DIP2C: variants seen among roughly 807,000 people sequenced by gnomAD.
The protein encoded by DIP2C is disco-interacting protein 2 homolog C.
A neutral mutation model predicts 192.4 loss-of-function variants in DIP2C; 33 were observed. The observed-to-expected ratio is 0.17, with a 90% confidence interval of 0.13 to 0.23. The LOEUF (loss-of-function observed/expected upper bound fraction) is 0.23, where lower values mean the gene tolerates loss of function less well. DIP2C is among the 10% of genes least tolerant of loss of function. The probability of loss-of-function intolerance (pLI) is 1.00; values close to 1 mark genes in which losing one functional copy is unlikely to be tolerated. For missense variants in DIP2C, 1,537 were observed against 2,110.1 expected (o/e 0.73, Z 5.32); for synonymous variants, 979 against 864.1 (o/e 1.13, Z -2.33).
chr10:466,958 T>C (rs1312766195), intron 3 of DIP2C, among the ~76,000 whole-genome samples: 1 of 149,616 alleles, frequency 6.7e-6, no homozygotes, highest in Middle Eastern at 3.4e-3. Flanking sequence ...GTTCAACCAT[T>C]GTGGAAGTCA....
intron 6 of DIP2C, 128 bp from the exon 7 acceptor site, chr10:416,016 G>C (rs562109656): frequency 2.8e-6 from 4 of 1,410,148 alleles, no homozygotes; most frequent in Admixed American, 4.0e-5. Flanking sequence ...TGCGATCCTG[G>C]GAAGGGCCCG....
intron 23 of DIP2C, among the ~76,000 whole-genome samples, chr10:357,514 G>C (rs941199936): frequency 9.8e-5 from 15 of 152,342 alleles, no homozygotes; most frequent in African/African-American, 3.4e-4. Context: ...ACCGATTTCT[G>C]CATCGCTGTG....
intron 7 of DIP2C, among the ~76,000 whole-genome samples, chr10:414,773 ATG>A (rs1965489630): frequency 1.9e-5 from 2 of 107,028 alleles, no homozygotes; most frequent in Non-Finnish European, 3.8e-5. Context: ...TATATATATA[ATG>A]TGTATATATA....
At chr10:488,180 G>A (rs1844159287) in intron 1 of DIP2C, among the ~76,000 whole-genome samples, 1 of 152,172 alleles carries the variant, frequency 6.6e-6, no homozygotes, top group Admixed American at 6.5e-5. Flanking sequence ...GTGGGAAAGG[G>A]TGGCAGCACT....
At chr10:288,560 G>A (rs776302297) in intron 32 of DIP2C, 139 bp from the exon 33 acceptor site, 16 of 840,744 alleles carry the variant, frequency 1.9e-5, no homozygotes, top group East Asian at 2.5e-5. Context: ...GGACGAAGCT[G>A]CAGAAAGAGC....
At chr10:386,597 G>A (rs142843687) in intron 14 of DIP2C, among the ~76,000 whole-genome samples, 3 of 152,240 alleles carry the variant, frequency 2.0e-5, no homozygotes, top group African/African-American at 7.2e-5. Context: ...GAGACGACCT[G>A]TGTGTAACAC....
At chr10:583,322 C>T (rs1588519732) in intron 1 of DIP2C, among the ~76,000 whole-genome samples, 1 of 152,228 alleles carries the variant, frequency 6.6e-6, no homozygotes, top group South Asian at 2.1e-4. Flanking sequence ...TATAGGATAG[C>T]TAGTTGGGAA....
intron 18 of DIP2C, among the ~76,000 whole-genome samples, chr10:367,396 G>A (rs904871916): frequency 8.7e-5 from 13 of 149,726 alleles, no homozygotes; most frequent in African/African-American, 1.5e-4. Context: ...CAGCCTGGGC[G>A]ACAGCGAGAC....
At chr10:530,496 G>A (rs933546245) in intron 1 of DIP2C, among the ~76,000 whole-genome samples, 1 of 151,956 alleles carries the variant, frequency 6.6e-6, no homozygotes, top group Non-Finnish European at 1.5e-5. Flanking sequence ...GGTGAGAGGA[G>A]TAGGGTTTTT....
At chr10:422,394 C>A (rs907721780) in intron 5 of DIP2C, among the ~76,000 whole-genome samples, 2 of 152,180 alleles carry the variant, frequency 1.3e-5, no homozygotes, top group Admixed American at 1.3e-4. Flanking sequence ...AGAACCTACA[C>A]AAAGCAGTGT....
chr10:307,829 G>A (rs549311151), intron 32 of DIP2C, among the ~76,000 whole-genome samples: 2 of 151,906 alleles, frequency 1.3e-5, no homozygotes, highest in South Asian at 4.2e-4. Context: ...CCTGGGCGGG[G>A]CCCGGCACAC....
At chr10:303,709 G>C (rs1238445752) in intron 32 of DIP2C, among the ~76,000 whole-genome samples, 2 of 152,080 alleles carry the variant, frequency 1.3e-5, no homozygotes, top group Non-Finnish European at 2.9e-5. Context: ...TTTTAGTAGA[G>C]ACGGGGTTCC....
chr10:280,490 C>G (rs1012295023), intron 36 of DIP2C, among the ~76,000 whole-genome samples: 1 of 151,772 alleles, frequency 6.6e-6, no homozygotes, highest in Admixed American at 6.6e-5. Context: ...ACTGAACAAG[C>G]CTGTAAAACT....
chr10:600,123 G>C (rs1193410172), intron 1 of DIP2C, among the ~76,000 whole-genome samples: 1 of 152,196 alleles, frequency 6.6e-6, no homozygotes, highest in Non-Finnish European at 1.5e-5. Flanking sequence ...GGCACACAGA[G>C]ACCCTGTAGT....
chr10:482,853 T>C (rs1843707973), intron 2 of DIP2C, among the ~76,000 whole-genome samples: 1 of 152,208 alleles, frequency 6.6e-6, no homozygotes, highest in Non-Finnish European at 1.5e-5. Context: ...GCTTAGAGAC[T>C]GATGAGGGAT....
chr10:457,896 C>T (rs1373590321), intron 3 of DIP2C, among the ~76,000 whole-genome samples: 1 of 152,208 alleles, frequency 6.6e-6, no homozygotes, highest in Non-Finnish European at 1.5e-5. Flanking sequence ...TATGCTGCGT[C>T]CTCAGCTGTG....
At position 607,900 on chromosome 10, in the gene DIP2C, G is replaced by A. The variant is rs974838320; in HGVS notation, c.85+81594C>T. 3.3e-5 allele frequency among the ~76,000 whole-genome samples: 5 copies of A among 152,090 alleles called. No individual in the cohort carries two copies. In the East Asian group the frequency reaches 7.7e-4, roughly 24 times the overall value. On this transcript the variant is annotated intron_variant, in intron 1 of 36. Transcript: ENST00000280886. Reference sequence around the variant, plus strand: ...GGCCATTTGTGTCATTCGCTAAGACGTACGACTCTGTAATAACCCACACCA... The same window carrying A: ...GGCCATTTGTGTCATTCGCTAAGACATACGACTCTGTAATAACCCACACCA...
chr10:673,404 TA>T (rs1830739725), intron 1 of DIP2C, among the ~76,000 whole-genome samples: 1 of 152,188 alleles, frequency 6.6e-6, no homozygotes, highest in South Asian at 2.1e-4. Flanking sequence ...GGCTGAAAAC[TA>T]AAAGGCACCC....
At position 390,286 on chromosome 10, in the gene DIP2C, T is replaced by C. The variant is rs76272398; in HGVS notation, c.1472A>G (p.Asn491Ser). Residue 491 changes from asparagine to serine, a missense_variant, in exon 12 of 37, where the codon AAT (asparagine) becomes AGT (serine). Physicochemically the swap from Asn to Ser is conservative, Grantham distance 46 (BLOSUM62 1). This residue lies in a region of DIP2C where 677 missense variants were observed against 989.9 expected (regional missense o/e 0.68). Transcript: ENST00000280886. ...CACCTCAATATACGCAGTGTCGTTA[T>C]TGGCATCTTTAATGTGTGGGAACCA... ...RDWFPHIKDANNDTAYIEYKT... is the reference protein window; with the variant it reads ...RDWFPHIKDASNDTAYIEYKT... 32 of 1,613,928 alleles carry C rather than the reference T, an allele frequency of 2.0e-5. No homozygotes were observed. In the East Asian group the frequency reaches 2.9e-4, roughly 15 times the overall value.
Sources: gnomAD v4.1 joint callset for allele counts (sites outside exome capture counted in the v4.1 genomes callset) on GRCh38, gnomAD v4.1.1 for gene constraint, gnomAD v4.1.1 regional missense constraint, MANE v1.5 for transcripts, NCBI Gene and HGNC (gene_info 2026-07-23, HGNC 2026-07-21) for gene names.